Variants in ARHGAP24 observed in about 807,000 individuals in gnomAD.
ARHGAP24 encodes the protein rho GTPase-activating protein 24.
Under a neutral mutation model 76.4 loss-of-function variants are expected in ARHGAP24, and 50 were observed. The ratio of observed to expected loss-of-function variants is 0.65; its 90% CI spans 0.52 to 0.83. The LOEUF (loss-of-function observed/expected upper bound fraction) is 0.83, where lower values mean the gene tolerates loss of function less well. Ranked by LOEUF, ARHGAP24 falls within the 40% of genes least tolerant of loss-of-function variation. The pLI is 0.00. For synonymous variants in ARHGAP24, 345 were observed against 323.3 expected, an observed-to-expected ratio of 1.07 and a Z score of -0.72; for missense variants, 930 against 914.2, an observed-to-expected ratio of 1.02 and a Z score of -0.22.
intron 8 of ARHGAP24, among the ~76,000 whole-genome samples, chr4:85,979,308 A>C (rs1042736173): frequency 6.6e-6 from 1 of 151,980 alleles, no homozygotes; most frequent in Non-Finnish European, 1.5e-5. Context: ...GGTTTTTTCA[A>C]CTCGTTATTG....
At chr4:85,766,624 A>T (rs1453124453) in intron 3 of ARHGAP24, among the ~76,000 whole-genome samples, 1 of 152,154 alleles carries the variant, frequency 6.6e-6, no homozygotes, top group East Asian at 1.9e-4. Context: ...GAGACTAAAG[A>T]CAGTGAACAA....
intron 3 of ARHGAP24, among the ~76,000 whole-genome samples, chr4:85,864,881 A>G (rs1732107185): frequency 6.6e-6 from 1 of 152,116 alleles, no homozygotes; most frequent in Non-Finnish European, 1.5e-5. Flanking sequence ...CTTTTCACTA[A>G]AATGTCTTAA....
chr4:85,569,740 A>G (rs1404411599), intron 1 of ARHGAP24, among the ~76,000 whole-genome samples: 2 of 152,234 alleles, frequency 1.3e-5, no homozygotes, highest in Non-Finnish European at 2.9e-5. Flanking sequence ...ATCCCTGACC[A>G]GCCAAAGAAA....
intron 1 of ARHGAP24, among the ~76,000 whole-genome samples, chr4:85,517,687 T>A (rs976865658): frequency 6.6e-6 from 1 of 152,174 alleles, no homozygotes; most frequent in Non-Finnish European, 1.5e-5. Flanking sequence ...CAATCATGCT[T>A]AGTGCAATGC....
At chr4:85,702,160 G>A (rs1309186770) in intron 2 of ARHGAP24, among the ~76,000 whole-genome samples, 1 of 152,064 alleles carries the variant, frequency 6.6e-6, no homozygotes, top group Non-Finnish European at 1.5e-5. Flanking sequence ...ATGTAATAAA[G>A]CTTCTCTCTT....
chr4:85,917,599 G>A (rs1735492236), intron 3 of ARHGAP24, among the ~76,000 whole-genome samples: 3 of 152,182 alleles, frequency 2.0e-5, no homozygotes, highest in African/African-American at 7.2e-5. Context: ...TTTAATGATT[G>A]CCATTCTAAC....
At chr4:85,865,930 C>A (rs345344) in intron 3 of ARHGAP24, among the ~76,000 whole-genome samples, 144,931 of 152,140 alleles carry the variant, frequency 0.95, 69,483 homozygotes, top group East Asian at 1. Flanking sequence ...AAAGAAAAAC[C>A]AAACAAAGGA....
rs552436255 is a variant in ARHGAP24 at position 85,632,446 on chromosome 4, A to G, written c.180+61725A>G. On this transcript the variant is annotated intron_variant, in intron 2 of 9. Transcript: ENST00000395184. ...AAGAGAGATGCTTGGGGCAGTAGGC[A>G]TTTTTCTGTATTTTATTGGGGCAAG... Among the ~76,000 whole-genome samples, 8 of 151,978 alleles carry G rather than the reference A, an allele frequency of 5.3e-5. No individual in the cohort carries two copies. The East Asian group carries it at 1.4e-3, about 26-fold the overall frequency.
At chr4:85,598,713 T>A (rs995504210) in intron 2 of ARHGAP24, among the ~76,000 whole-genome samples, 5 of 151,286 alleles carry the variant, frequency 3.3e-5, no homozygotes, top group African/African-American at 1.2e-4. Context: ...ATATTAATAT[T>A]TGAAGGAATT....
chr4:85,666,666 G>T (rs1174488588), intron 2 of ARHGAP24, among the ~76,000 whole-genome samples: 1 of 152,118 alleles, frequency 6.6e-6, no homozygotes, highest in Non-Finnish European at 1.5e-5. Flanking sequence ...TGTACAGATG[G>T]GTTTTTGGTG....
chr4:85,704,187 A>G (rs1387959020), intron 2 of ARHGAP24, among the ~76,000 whole-genome samples: 1 of 152,160 alleles, frequency 6.6e-6, no homozygotes, highest in Non-Finnish European at 1.5e-5. Context: ...TTAGTTGCTG[A>G]AAAATATTTA....
chr4:85,565,905 G>A (rs113698921), intron 1 of ARHGAP24, among the ~76,000 whole-genome samples: 2 of 152,040 alleles, frequency 1.3e-5, no homozygotes, highest in Non-Finnish European at 2.9e-5. Flanking sequence ...CATGAATTTC[G>A]TCTCTGATTG....
chr4:85,515,105 C>A (rs960083026), intron 1 of ARHGAP24, among the ~76,000 whole-genome samples: 1 of 152,024 alleles, frequency 6.6e-6, no homozygotes, highest in African/African-American at 2.4e-5. Flanking sequence ...GTGAATAATC[C>A]TTAGAATAGA....
intron 3 of ARHGAP24, among the ~76,000 whole-genome samples, chr4:85,854,602 C>T (rs1731450578): frequency 6.6e-6 from 1 of 152,126 alleles, no homozygotes; most frequent in African/African-American, 2.4e-5. Context: ...CTTTCTTGCT[C>T]TTTTCATTTT....
intron 2 of ARHGAP24, among the ~76,000 whole-genome samples, chr4:85,626,256 G>A (rs1477163111): frequency 3.3e-5 from 5 of 152,180 alleles, no homozygotes; most frequent in African/African-American, 1.2e-4. Flanking sequence ...GCTCTTTTAG[G>A]GCAGGCCTGG....
chr4:85,885,641 A>G (rs181538500), intron 3 of ARHGAP24, among the ~76,000 whole-genome samples: 1 of 152,242 alleles, frequency 6.6e-6, no homozygotes, highest in African/African-American at 2.4e-5. Context: ...ATACTTATTT[A>G]TATCTTTTAA....
chr4:85,995,070 G>T lies in ARHGAP24; in HGVS notation c.1416G>T (p.Met472Ile). Residue 472 changes from methionine to isoleucine, a missense_variant, in exon 9 of 10, where the codon ATG (methionine) becomes ATT (isoleucine). Physicochemically the swap from Met to Ile is conservative, Grantham distance 10. Transcript: ENST00000395184. ...CACTGAAGGTATCTGGTACCAAAATGGGCACGCACAGTGTACAGAATGGAA... is the reference window on the plus strand; with the variant it reads ...CACTGAAGGTATCTGGTACCAAAATTGGCACGCACAGTGTACAGAATGGAA... Reference protein sequence around the residue: ...SSSLKVSGTKMGTHSVQNGTV... With the variant: ...SSSLKVSGTKIGTHSVQNGTV... 1 of 1,614,024 alleles carries T rather than the reference G, an allele frequency of 6.2e-7. No individual in the cohort carries two copies. The highest frequency in any genetic ancestry group is 2.2e-5 in the East Asian group (1 of 44,862).
chr4:85,942,171 G>A lies in ARHGAP24; in HGVS notation c.497G>A (p.Arg166Lys), dbSNP rs780276773. 4 of 1,613,932 alleles carry A rather than the reference G, an allele frequency of 2.5e-6. No homozygotes were observed. The highest frequency in any genetic ancestry group is 2.2e-5 in the East Asian group (1 of 44,886). ...VEQCVDFIRQRGLKEEGLFRL... is the reference protein window; with the variant it reads ...VEQCVDFIRQKGLKEEGLFRL... ...CAGTGCGTGGACTTTATCCGACAAA[G>A]GGGGCTGAAAGAAGAGGGTCTCTTT... Residue 166 changes from arginine (R) to lysine (K), a missense_variant, in exon 5 of 10, where the codon AGG becomes AAG. Coordinates refer to ENST00000395184, the MANE Select transcript of ARHGAP24 (RefSeq NM_001025616.3).
chr4:85,859,555 A>C (rs999650312), intron 3 of ARHGAP24, among the ~76,000 whole-genome samples: 2 of 152,124 alleles, frequency 1.3e-5, no homozygotes, highest in African/African-American at 2.4e-5. Flanking sequence ...ATTCTCTATA[A>C]ATAAGCCACA....
Sources: gnomAD v4.1 joint callset for allele counts (sites outside exome capture counted in the v4.1 genomes callset) on GRCh38, gnomAD v4.1.1 for gene constraint, MANE v1.5 for transcripts, NCBI Gene and HGNC (gene_info 2026-07-23, HGNC 2026-07-21) for gene names.